Variants in BRCA2 observed in about 807,000 individuals in gnomAD.
BRCA2 encodes breast cancer type 2 susceptibility protein.
Under a neutral mutation model 276.7 loss-of-function variants are expected in BRCA2, and 203 were observed. The ratio of observed to expected loss-of-function variants is 0.73; its 90% CI spans 0.65 to 0.82. The LOEUF is 0.82. Among genes scored for constraint, BRCA2 ranks in the 40% least tolerant of loss-of-function variants. The probability of loss-of-function intolerance (pLI) is 0.00; values close to 1 mark genes in which losing one functional copy is unlikely to be tolerated. For missense variants in BRCA2, 3,920 were observed against 3,915.0 expected (o/e 1.00, Z -0.03); for synonymous variants, 1,289 against 1,338.4 (o/e 0.96, Z 0.81).
intron 7 of BRCA2, 109 bp downstream of exon 7, chr13:32,326,722 C>T (rs1476438375): frequency 1.3e-6 from 1 of 798,310 alleles, no homozygotes; most frequent in South Asian, 1.8e-5. Context: ...TAGATAATGT[C>T]TTTGATAAGT....
At chr13:32,378,851 C>G (rs1365136577) in intron 21 of BRCA2, among the ~76,000 whole-genome samples, 3 of 152,110 alleles carry the variant, frequency 2.0e-5, no homozygotes, top group Non-Finnish European at 4.4e-5. Context: ...GAATTATACT[C>G]CTGGGGCTAA....
In BRCA2 at chr13:32,338,598, G is replaced by A. The variant is rs397507327; in HGVS notation, c.4243G>A (p.Glu1415Lys). 6.3e-7 allele frequency: 1 copy of A among 1,596,136 alleles called. No individual in the cohort carries two copies. Among genetic ancestry groups the A allele is most frequent in the South Asian group, 1.1e-5 (1 of 87,770 alleles). The change falls in exon 11 of 27, where the codon GAG becomes AAG. Residue 1415 changes from glutamate (E) to lysine (K), a missense_variant. By Grantham distance (56) the Glu-to-Lys change is moderately conservative. Transcript: ENST00000380152. ...AGAACAGTTAACTGCTACTAAAACG[G>A]AGCAAAATATAAAAGATTTTGAGAC... Reference protein sequence around the residue: ...NKEQLTATKTEQNIKDFETSD... With the variant: ...NKEQLTATKTKQNIKDFETSD...
chr13:32,330,054 T>C (rs961017699), intron 8 of BRCA2, among the ~76,000 whole-genome samples: 1 of 152,202 alleles, frequency 6.6e-6, no homozygotes, highest in Non-Finnish European at 1.5e-5. Flanking sequence ...TATTTTTCAG[T>C]CCAAACCTAT....
Position 32,338,069 on chromosome 13 carries a change from G to A in BRCA2, c.3714G>A (p.Val1238=), listed in dbSNP as rs780000105. The change falls in exon 11 of 27, where the codon GTG becomes GTA. Residue 1238 remains valine (V), a synonymous_variant. Transcript: ENST00000380152. The stretch of plus-strand genomic sequence containing the variant: ...CTACTGAAGCTCTGCAAAAAGCTGT[G>A]AAACTGTTTAGTGATATTGAGAATA... ...NVSTEALQKA[V]KLFSDIENIS... is the part of the protein sequence containing the mutation. 5.0e-6 allele frequency: 8 copies of A among 1,611,658 alleles called. No homozygotes were observed. The Admixed American group carries it at 1.3e-4, about 27-fold the overall frequency.
Position 32,379,913 on chromosome 13 carries a change from G to A in BRCA2, c.9117G>A (p.Pro3039=), listed in dbSNP as rs28897756. 6 of 1,613,038 alleles carry A rather than the reference G, an allele frequency of 3.7e-6. No homozygotes were observed. The highest frequency in any genetic ancestry group is 5.1e-6 in the Non-Finnish European group (6 of 1,179,458). Residue 3039 remains proline, a splice_region_variant and synonymous_variant, in exon 23 of 27, where the codon CCG becomes CCA. Coordinates refer to ENST00000380152, the MANE Select transcript of BRCA2 (RefSeq NM_000059.4). ...ATKKTQYQQL[P]VSDEILFQIY... is the part of the protein sequence containing the mutation. ...AAAAAACTCAGTATCAACAACTACC[G>A]GTACAAACCTTTCATTGTAATTTTT...
chr13:32,361,227 T>C (rs2072735671), intron 16 of BRCA2, among the ~76,000 whole-genome samples: 1 of 152,106 alleles, frequency 6.6e-6, no homozygotes. Context: ...AAGATGGAAT[T>C]TTAGGGAATA....
chr13:32,343,066 T>A (rs994860718), intron 11 of BRCA2, among the ~76,000 whole-genome samples: 3 of 151,806 alleles, frequency 2.0e-5, no homozygotes, highest in African/African-American at 7.3e-5. Context: ...AAAAAAATCT[T>A]ATGGGACCAC....
chr13:32,376,907 G>A (rs969068702), intron 21 of BRCA2, 116 bp downstream of exon 21: 1 of 1,430,006 alleles, frequency 7.0e-7, no homozygotes, highest in Non-Finnish European at 9.6e-7. Flanking sequence ...TTTCTCAAAA[G>A]GGATGTGTAC....
rs1227152592 is a variant in BRCA2 at position 32,362,607 on chromosome 13, A to G, written c.7890A>G (p.Lys2630=). The G allele has an allele frequency of 6.2e-7, 1 of 1,614,176 alleles. No homozygotes were observed. The highest frequency in any genetic ancestry group is 8.5e-7 in the Non-Finnish European group (1 of 1,180,022). The part of the protein sequence containing the change: ...VYNHYRWIIW[K]LAAMECAFPK... ...ATCACTATAGATGGATCATATGGAAACTGGCAGCTATGGAATGTGCCTTTC... is the reference window on the plus strand; with the variant it reads ...ATCACTATAGATGGATCATATGGAAGCTGGCAGCTATGGAATGTGCCTTTC... Residue 2630 remains lysine, a synonymous_variant, in exon 17 of 27, where the codon AAA becomes AAG. Transcript: ENST00000380152.
rs587781849 is a variant in BRCA2 at position 32,339,712 on chromosome 13, G to GT, written c.5362dup (p.Ser1788PhefsTer19). On this transcript the variant is annotated frameshift_variant, in exon 11 of 27. Transcript: ENST00000380152. LOFTEE classifies it high-confidence loss of function. ...AATGTTGAAGATCAAAAAAACACTA[G>GT]TTTTTCCAAAGTAATATCCAATGTA... 1 of 1,613,518 alleles carries GT rather than the reference G, an allele frequency of 6.2e-7. No homozygotes were observed. Among genetic ancestry groups the GT allele is most frequent in the Non-Finnish European group, 8.5e-7 (1 of 1,179,616 alleles).
At position 32,363,194 on chromosome 13, in the gene BRCA2, T is replaced by A. The variant is rs80359800; in HGVS notation, c.7992T>A (p.Ile2664=). Residue 2664 remains isoleucine (I), a synonymous_variant, in exon 18 of 27, where the codon ATT becomes ATA. Coordinates refer to ENST00000380152, the MANE Select transcript of BRCA2 (RefSeq NM_000059.4). ...LQLKYRYDTE[I]DRSRRSAIKK... ...TCACTTTTAGATATGATACGGAAAT[T>A]GATAGAAGCAGAAGATCGGCTATAA... 59 of 1,613,670 alleles carry A rather than the reference T, an allele frequency of 3.7e-5. No homozygotes were observed. Among genetic ancestry groups the A allele is most frequent in the Non-Finnish European group, 4.7e-5 (55 of 1,179,916 alleles).
rs982251661 is a variant in BRCA2 at position 32,398,926 on chromosome 13, C to A, written c.*156C>A. The A allele has an allele frequency of 2.2e-6, 2 of 922,306 alleles. No homozygotes were observed. The highest frequency in any genetic ancestry group is 3.1e-6 in the Non-Finnish European group (2 of 639,972). The allele number at this position is 922,306 out of a possible 1,614,324, so 57.1% of individuals were successfully genotyped here. ...CAGCGTTTGTGTATCGGGCAAAAAT[C>A]GTTTTGCCCGATTCCGTATTGGTAT... is the stretch of plus-strand genomic sequence containing the variant. On this transcript the variant is annotated 3_prime_UTR_variant, in exon 27 of 27. Transcript: ENST00000380152.
rs886040428 is a variant in BRCA2 at position 32,319,256 on chromosome 13, G to C, written c.247G>C (p.Glu83Gln). Reference protein sequence around the residue: ...QLASTPIIFKEQGLTLPLYQS... With the variant: ...QLASTPIIFKQQGLTLPLYQS... ...GGCTTCAACTCCAATAATATTCAAA[G>C]AGCAAGGGCTGACTCTGCCGCTGTA... The change falls in exon 3 of 27, where the codon GAG (glutamate) becomes CAG (glutamine). Residue 83 changes from glutamate to glutamine, a missense_variant. Physicochemically the swap from Glu to Gln is conservative, Grantham distance 29. Coordinates refer to ENST00000380152, the MANE Select transcript of BRCA2 (RefSeq NM_000059.4). The C allele has an allele frequency of 6.2e-7, 1 of 1,613,922 alleles. No individual in the cohort carries two copies. Among genetic ancestry groups the C allele is most frequent in the Non-Finnish European group, 8.5e-7 (1 of 1,179,820 alleles).
chr13:32,329,208 A>G (rs894525800), intron 7 of BRCA2, among the ~76,000 whole-genome samples: 5 of 152,214 alleles, frequency 3.3e-5, no homozygotes, highest in African/African-American at 1.2e-4. Context: ...ACCATAAAGT[A>G]ATGATCACCA....
chr13:32,397,012 C>CAAA lies in BRCA2; in HGVS notation c.9617_9619dup (p.Gln3206_Ile3207insLys), dbSNP rs750833754. 12 of 1,614,068 alleles carry CAAA rather than the reference C, an allele frequency of 7.4e-6. No homozygotes were observed. The highest frequency in any genetic ancestry group is 8.5e-6 in the Non-Finnish European group (10 of 1,179,968). On this transcript the variant is annotated inframe_insertion, in exon 26 of 27. Transcript: ENST00000380152. ...CTGTACTTCAGGGCCGTACACTGCT[C>CAAA]AAATCATTCCTGGTACAGGAAACAA...
In BRCA2 at chr13:32,325,236, A is replaced by G. The variant is rs756310422; in HGVS notation, c.425+52A>G. ...ATTTAAATGAAACATTTTCCTACAT[A>G]TATTTGTTCTATAAAGATGAATCTG... is the stretch of plus-strand genomic sequence containing the variant. On this transcript the variant is annotated intron_variant, in intron 4 of 26. Transcript: ENST00000380152. 2.7e-5 allele frequency: 36 copies of G among 1,309,112 alleles called. No homozygotes were observed. The Admixed American group carries it at 3.8e-4, about 14-fold the overall frequency. 81.1% of individuals were successfully genotyped at this position (1,309,112 alleles called of 1,614,324 possible). A position where few individuals can be genotyped will look rare whatever the true frequency, so the allele number is the denominator to read the frequency against.
At chr13:32,348,634 A>G (rs1426660457) in intron 13 of BRCA2, among the ~76,000 whole-genome samples, 2 of 152,204 alleles carry the variant, frequency 1.3e-5, no homozygotes, top group Non-Finnish European at 2.9e-5. Flanking sequence ...GATGTGAAGT[A>G]CTAAAAGATC....
At chr13:32,320,428 A>G (rs976473532) in intron 3 of BRCA2, among the ~76,000 whole-genome samples, 1 of 152,074 alleles carries the variant, frequency 6.6e-6, no homozygotes, top group Non-Finnish European at 1.5e-5. Flanking sequence ...ATTCATTCCT[A>G]CTGAATTTCT....
chr13:32,317,644 T>A (rs2072273328), intron 2 of BRCA2, among the ~76,000 whole-genome samples: 1 of 152,218 alleles, frequency 6.6e-6, no homozygotes. Context: ...TTAAACTATT[T>A]TAAAAATCTC....
Sources: allele counts gnomAD v4.1 joint callset (sites outside exome capture counted in the v4.1 genomes callset), GRCh38; gene constraint gnomAD v4.1.1; transcripts MANE v1.5; gene names NCBI Gene and HGNC (gene_info 2026-07-23, HGNC 2026-07-21).